The following GTF2IRD2 variants were observed in gnomAD, a reference collection of about 807,000 sequenced individuals.
GTF2IRD2 encodes the protein GTF2I repeat domain containing 2, also known as general transcription factor II-I repeat domain-containing protein 2A.
A neutral mutation model predicts 49.2 loss-of-function variants in GTF2IRD2; 8 were observed. The ratio of observed to expected loss-of-function variants is 0.16; its 90% CI spans 0.10 to 0.29. The LOEUF (loss-of-function observed/expected upper bound fraction) is 0.29, where lower values mean the gene tolerates loss of function less well. GTF2IRD2 is among the 10% of genes least tolerant of loss of function. The probability of loss-of-function intolerance (pLI) is 1.00; values close to 1 mark genes in which losing one functional copy is unlikely to be tolerated. For missense variants in GTF2IRD2, 130 were observed against 725.7 expected (o/e 0.18, Z 9.43); for synonymous variants, 47 against 289.7 (o/e 0.16, Z 8.51).
chr7:74,811,920 G>A (rs1486904663), intron 9 of GTF2IRD2, among the ~76,000 whole-genome samples: 1 of 35,014 alleles, frequency 2.9e-5, no homozygotes, highest in Non-Finnish European at 7.0e-5. Flanking sequence ...ACTGGATACC[G>A]TCAGGAGACC....
In GTF2IRD2 at chr7:74,842,115, C is replaced by T. The variant is rs587678545; in HGVS notation, c.-5-5732G>A. ...CTCCAGCCTGGGCAACAGAGTGAGA[C>T]TCCGTCTCACAAAAAAAACAAAACA... On this transcript the variant is annotated intron_variant, in intron 1 of 15. Coordinates refer to ENST00000451013, the MANE Select transcript of GTF2IRD2 (RefSeq NM_173537.5). 9.8e-3 allele frequency among the ~76,000 whole-genome samples: 394 copies of T among 40,040 alleles called. 6 individuals carry two copies. The highest frequency in any genetic ancestry group is 0.013 in the Non-Finnish European group (320 of 23,978). The allele number at this position is 40,040 out of a possible 152,430, so 26.3% of individuals were successfully genotyped here. A position where few individuals can be genotyped will look rare whatever the true frequency, so the allele number is the denominator to read the frequency against.
chr7:74,831,155 G>C (rs1554420326), intron 3 of GTF2IRD2, among the ~76,000 whole-genome samples: 1 of 150,566 alleles, frequency 6.6e-6, no homozygotes. Flanking sequence ...TTGGGATCTC[G>C]GAAGTAAATT....
intron 1 of GTF2IRD2, among the ~76,000 whole-genome samples, chr7:74,842,281 G>A (rs1386977963): frequency 7.7e-6 from 1 of 130,182 alleles, no homozygotes; most frequent in African/African-American, 3.2e-5. Context: ...CCAGGCTGGA[G>A]TGCAGTGGCA....
chr7:74,822,354 A>G (rs1201365401), intron 6 of GTF2IRD2, 73 bp downstream of exon 6: 11 of 664,516 alleles, frequency 1.7e-5, no homozygotes, highest in East Asian at 2.8e-5. Context: ...CCGGCCCCCA[A>G]TTCAAGTTTT....
At chr7:74,818,921 GT>G (rs1156977935) in intron 8 of GTF2IRD2, 1 of 149,942 alleles carries the variant, frequency 6.7e-6, no homozygotes, top group African/African-American at 2.5e-5. Context: ...TTTTGTTTTT[GT>G]TTTTGTTTTT....
At chr7:74,806,060 C>T in intron 12 of GTF2IRD2, among the ~76,000 whole-genome samples, 1 of 130,946 alleles carries the variant, frequency 7.6e-6, no homozygotes, top group African/African-American at 2.7e-5. Context: ...ATGCCTGGTC[C>T]TTTTTTTTTG....
chr7:74,800,224 T>A lies in GTF2IRD2; in HGVS notation c.1246+1761A>T, dbSNP rs587758671. Among the ~76,000 whole-genome samples, 19 of 142,290 alleles carry A rather than the reference T, an allele frequency of 1.3e-4. No homozygotes were observed. In the East Asian group the frequency reaches 3.8e-3, roughly 29 times the overall value. The allele number at this position is 142,290 out of a possible 152,430, so 93.3% of individuals were successfully genotyped here. ...TGGTTTTCTTTTCTTTTCTTTTTTTTTTTTTTTGAGACAGAGTCTTGCTCT... is the reference window on the plus strand; with the variant it reads ...TGGTTTTCTTTTCTTTTCTTTTTTTATTTTTTTGAGACAGAGTCTTGCTCT... On this transcript the variant is annotated intron_variant, in intron 15 of 15. Coordinates refer to ENST00000451013, the MANE Select transcript of GTF2IRD2 (RefSeq NM_173537.5).
chr7:74,825,901 C>T (rs782741993), intron 3 of GTF2IRD2, among the ~76,000 whole-genome samples: 6 of 151,308 alleles, frequency 4.0e-5, no homozygotes, highest in Non-Finnish European at 7.4e-5. Flanking sequence ...CCCGGGTTCA[C>T]GCCATTCTCC....
chr7:74,840,763 G>A (rs1422786487), intron 1 of GTF2IRD2, among the ~76,000 whole-genome samples: 17 of 138,888 alleles, frequency 1.2e-4, no homozygotes, highest in South Asian at 7.1e-4. Flanking sequence ...TGGTCCCCAC[G>A]GGACCACATG....
chr7:74,799,706 G>A (rs1238852637), intron 15 of GTF2IRD2, among the ~76,000 whole-genome samples: 2 of 152,304 alleles, frequency 1.3e-5, no homozygotes, highest in African/African-American at 2.4e-5. Context: ...GAGTGTACAG[G>A]GGCTAGTGTT....
intron 3 of GTF2IRD2, among the ~76,000 whole-genome samples, chr7:74,831,228 A>G (rs2131762819): frequency 1.3e-5 from 2 of 150,176 alleles, no homozygotes; most frequent in Middle Eastern, 6.9e-3. Flanking sequence ...CTATCCATTC[A>G]TCTAATCTAT....
At chr7:74,847,701 C>CA (rs1352189923) in intron 1 of GTF2IRD2, among the ~76,000 whole-genome samples, 15 of 102 alleles carry the variant, frequency 0.15, 1 homozygote, top group East Asian at 0.5. Context: ...AACTCCATCT[C>CA]AAAAAAAAAA....
At chr7:74,840,711 G>A (rs1447715025) in intron 1 of GTF2IRD2, among the ~76,000 whole-genome samples, 3 of 133,652 alleles carry the variant, frequency 2.2e-5, no homozygotes, top group Non-Finnish European at 4.7e-5. Flanking sequence ...AGGAGGCATC[G>A]GGCCAGGCAG....
intron 6 of GTF2IRD2, 136 bp from the exon 7 acceptor site, chr7:74,820,159 CGAGA>C: frequency 1.6e-6 from 1 of 614,894 alleles, no homozygotes; most frequent in East Asian, 3.1e-5. Flanking sequence ...GAAAAGTCAT[CGAGA>C]GAGAAACTGA....
rs1437892154 is a variant in GTF2IRD2 at position 74,842,278 on chromosome 7, G to C, written c.-5-5895C>G. 1.6e-5 allele frequency among the ~76,000 whole-genome samples: 2 copies of C among 123,866 alleles called. 1 individual carries two copies. Among genetic ancestry groups the C allele is most frequent in the Non-Finnish European group, 3.3e-5 (2 of 61,214 alleles). 81.3% of individuals were successfully genotyped at this position (123,866 alleles called of 152,430 possible). A position where few individuals can be genotyped will look rare whatever the true frequency, so the allele number is the denominator to read the frequency against. ...GGGGTCTTGCTCTGTCTCCCAGGCTGGAGTGCAGTGGCACAATCACAGTTC... is the reference window on the plus strand; with the variant it reads ...GGGGTCTTGCTCTGTCTCCCAGGCTCGAGTGCAGTGGCACAATCACAGTTC... On this transcript the variant is annotated intron_variant, in intron 1 of 15. Coordinates refer to ENST00000451013, the MANE Select transcript of GTF2IRD2 (RefSeq NM_173537.5).
chr7:74,831,480 CAT>C (rs1346869802), intron 3 of GTF2IRD2, among the ~76,000 whole-genome samples: 74 of 146,926 alleles, frequency 5.0e-4, no homozygotes, highest in African/African-American at 1.8e-3. Flanking sequence ...TCTGCCAATC[CAT>C]AGAGACCCCT....
At chr7:74,818,538 C>A (rs1440655286) in intron 8 of GTF2IRD2, among the ~76,000 whole-genome samples, 1 of 133,846 alleles carries the variant, frequency 7.5e-6, no homozygotes, top group Non-Finnish European at 1.5e-5. Context: ...CAGCTCACTG[C>A]AGCCTCAACC....
At position 74,851,396 on chromosome 7, in the gene GTF2IRD2, C is replaced by G. The variant is rs1195147146; in HGVS notation, c.-35G>C. On this transcript the variant is annotated 5_prime_UTR_variant, in exon 1 of 16. Coordinates refer to ENST00000451013, the MANE Select transcript of GTF2IRD2 (RefSeq NM_173537.5). Reference sequence around the variant, plus strand: ...GGGCGCTGGGCCGCGCCGGGCCGGCCGCGGAGTCCGAGGCCTGGGCCACCG... The same window carrying G: ...GGGCGCTGGGCCGCGCCGGGCCGGCGGCGGAGTCCGAGGCCTGGGCCACCG... The G allele has an allele frequency of 2.1e-5, 1 of 46,958 alleles. No homozygotes were observed. The highest frequency in any genetic ancestry group is 3.7e-5 in the Non-Finnish European group (1 of 27,148). The allele number at this position is 46,958 out of a possible 1,614,324, so 2.9% of individuals were successfully genotyped here. A position where few individuals can be genotyped will look rare whatever the true frequency, so the allele number is the denominator to read the frequency against.
At chr7:74,835,908 C>T (rs1800262008) in intron 2 of GTF2IRD2, among the ~76,000 whole-genome samples, 1 of 120,784 alleles carries the variant, frequency 8.3e-6, no homozygotes, top group Non-Finnish European at 1.6e-5. Flanking sequence ...TTGCTTGAAC[C>T]CGGGAGGCGG....
Sources: allele counts gnomAD v4.1 joint callset (sites outside exome capture counted in the v4.1 genomes callset), GRCh38; gene constraint gnomAD v4.1.1; transcripts MANE v1.5; gene names NCBI Gene and HGNC (gene_info 2026-07-23, HGNC 2026-07-21).